Variants in MROH2B observed in about 807,000 individuals in gnomAD.
The protein encoded by MROH2B is maestro heat-like repeat-containing protein family member 2B.
MROH2B carries 177 observed loss-of-function variants against 208.6 expected under a neutral mutation model. That is an observed-to-expected ratio of 0.85 (90% CI 0.75 to 0.96). MROH2B has a LOEUF of 0.96. MROH2B is among the 40% of genes least tolerant of loss of function. MROH2B has a pLI of 0.00. For synonymous variants in MROH2B, 728 were observed against 659.0 expected, an observed-to-expected ratio of 1.10 and a Z score of -1.60; for missense variants, 2,002 against 1,878.7, an observed-to-expected ratio of 1.07 and a Z score of -1.21.
At chr5:41,033,626 C>T (rs1426548353) in intron 22 of MROH2B, among the ~76,000 whole-genome samples, 1 of 152,052 alleles carries the variant, frequency 6.6e-6, no homozygotes, top group Non-Finnish European at 1.5e-5. Context: ...TATAGCTCAA[C>T]TTCTAAAGAC....
intron 30 of MROH2B, among the ~76,000 whole-genome samples, chr5:41,010,665 A>G (rs902112908): frequency 6.6e-6 from 1 of 152,210 alleles, no homozygotes; most frequent in African/African-American, 2.4e-5. Context: ...GGGCAGTGCA[A>G]CCACTCTGTA....
rs145014395 is a variant in MROH2B at position 41,059,317 on chromosome 5, G to A, written c.616-1114C>T. 3.4e-4 allele frequency among the ~76,000 whole-genome samples: 51 copies of A among 152,234 alleles called. 1 individual carries two copies. The East Asian group carries it at 8.7e-3, about 26-fold the overall frequency. ...TTATAAAAATGTAGAAATCACAAAT[G>A]TTATGTTGAAGAAAACATAATACAC... On this transcript the variant is annotated intron_variant, in intron 6 of 41. Coordinates refer to ENST00000399564, the MANE Select transcript of MROH2B (RefSeq NM_173489.5).
At chr5:41,059,047 CAAA>C (rs1171278919) in intron 6 of MROH2B, among the ~76,000 whole-genome samples, 3 of 73,204 alleles carry the variant, frequency 4.1e-5, no homozygotes. Flanking sequence ...GACTCCATCT[CAAA>C]AAAAAAAAAA....
intron 9 of MROH2B, 181 bp downstream of exon 9, chr5:41,056,928 C>A: frequency 1.5e-6 from 1 of 662,210 alleles, no homozygotes; most frequent in South Asian, 1.9e-5. Context: ...TCTTCCCGTC[C>A]TGCTCCTCCT....
At chr5:41,032,943 T>C (rs142757805) in intron 23 of MROH2B, 98 bp downstream of exon 23, 523 of 1,562,406 alleles carry the variant, frequency 3.3e-4, no homozygotes, top group Non-Finnish European at 4.3e-4. Context: ...ATCTGTTATG[T>C]GGGACTGGTG....
At position 41,017,835 on chromosome 5, in the gene MROH2B, C is replaced by T. The variant is rs971747308; in HGVS notation, c.2884+15G>A. On this transcript the variant is annotated intron_variant, in intron 28 of 41. Transcript: ENST00000399564. The stretch of plus-strand genomic sequence containing the variant: ...TTTCTTTTCTTCATTTGTGGGTTCC[C>T]CATCTTTCCCTCACCTTTTATATAG... 4 of 1,570,976 alleles carry T rather than the reference C, an allele frequency of 2.5e-6. No individual in the cohort carries two copies. Among genetic ancestry groups the T allele is most frequent in the African/African-American group, 2.7e-5 (2 of 73,270 alleles).
intron 39 of MROH2B, 139 bp downstream of exon 39, chr5:41,000,081 G>A: frequency 8.7e-7 from 1 of 1,145,188 alleles, no homozygotes. Flanking sequence ...TATATCCTGT[G>A]AAATCAGGAT....
intron 24 of MROH2B, among the ~76,000 whole-genome samples, chr5:41,030,504 T>A (rs1378868919): frequency 2.6e-5 from 4 of 151,972 alleles, no homozygotes; most frequent in Admixed American, 2.0e-4. Flanking sequence ...CATCTCAAAT[T>A]CAAGGAAGGG....
intron 9 of MROH2B, 70 bp downstream of exon 9, chr5:41,057,039 T>G: frequency 1.4e-6 from 2 of 1,476,032 alleles, no homozygotes; most frequent in Non-Finnish European, 1.9e-6. Flanking sequence ...CAGTTTGCCC[T>G]CCTTTTACCA....
rs758543587 is a variant in MROH2B at position 41,033,156 on chromosome 5, A to C, written c.2246T>G (p.Met749Arg). ...TCTTGTGAAACTCATTTGCAGATCC[A>C]TGTCCTAAAGCAAAAGCATTTACAA... The part of the protein sequence containing the change: ...VLGMSVMNKD[M>R]DLQMSFTRSI... The change falls in exon 23 of 42, where the codon ATG becomes AGG. Residue 749 changes from methionine to arginine, a missense_variant. Met to Arg is a moderately conservative substitution (Grantham distance 91, BLOSUM62 -1). Transcript: ENST00000399564. 2 of 1,612,608 alleles carry C rather than the reference A, an allele frequency of 1.2e-6. No individual in the cohort carries two copies. The highest frequency in any genetic ancestry group is 3.3e-5 in the Admixed American group (2 of 59,814).
At chr5:41,061,753 G>A in intron 5 of MROH2B, 29 bp from the exon 6 acceptor site, 1 of 1,601,294 alleles carries the variant, frequency 6.2e-7, no homozygotes, top group South Asian at 1.1e-5. Context: ...ACCACAGACT[G>A]AGAAAAATAT....
intron 29 of MROH2B, 135 bp downstream of exon 29, chr5:41,015,246 G>C: frequency 1.4e-6 from 1 of 702,712 alleles, no homozygotes; most frequent in Non-Finnish European, 2.3e-6. Context: ...TGTACTCTAA[G>C]TTAGAAAATG....
Position 41,033,058 on chromosome 5 carries a change from G to T in MROH2B, c.2344C>A (p.Leu782Met), listed in dbSNP as rs760383132. The change falls in exon 23 of 42, where the codon CTG (leucine) becomes ATG (methionine). Residue 782 changes from leucine (L) to methionine (M), a missense_variant. Coordinates refer to ENST00000399564, the MANE Select transcript of MROH2B (RefSeq NM_173489.5). ...QGFQFSYKEMLIGYMLDFIRD... is the reference protein window; with the variant it reads ...QGFQFSYKEMMIGYMLDFIRD... ...ACACTCACCAGCATGTAACCAATCA[G>T]CATCTCCTTGTAGGAAAACTGGAAC... is the stretch of plus-strand genomic sequence containing the variant. 6.2e-7 allele frequency: 1 copy of T among 1,613,000 alleles called. No homozygotes were observed. Among genetic ancestry groups the T allele is most frequent in the East Asian group, 2.2e-5 (1 of 44,870 alleles).
chr5:41,019,996 C>G (rs1410787307), intron 24 of MROH2B, among the ~76,000 whole-genome samples: 1 of 151,974 alleles, frequency 6.6e-6, no homozygotes, highest in African/African-American at 2.4e-5. Flanking sequence ...CTTTTCCTCC[C>G]CCTTGACAAC....
In MROH2B at chr5:41,061,704, C is replaced by G. The variant is rs1235119079; in HGVS notation, c.481G>C (p.Ala161Pro). The G allele has an allele frequency of 2.5e-6, 4 of 1,613,662 alleles. No individual in the cohort carries two copies. In the Admixed American group the frequency reaches 5.0e-5, roughly 20 times the overall value. ...FCIALEKFSK[A>P]IYKYVNHWRD... is the part of the protein sequence containing the mutation. ...CAGTGGTTGACATATTTGTAAATGGCTTTGCTGAATTTCTCAAGGGCTGCA... is the reference window on the plus strand; with the variant it reads ...CAGTGGTTGACATATTTGTAAATGGGTTTGCTGAATTTCTCAAGGGCTGCA... The change falls in exon 6 of 42, where the codon GCC becomes CCC. Residue 161 changes from alanine to proline, a missense_variant. Physicochemically the swap from Ala to Pro is conservative, Grantham distance 27 (BLOSUM62 -1). Coordinates refer to ENST00000399564, the MANE Select transcript of MROH2B (RefSeq NM_173489.5).
chr5:41,071,048 C>T lies in MROH2B; in HGVS notation c.-196G>A. 1 of 578,662 alleles carries T rather than the reference C, an allele frequency of 1.7e-6. No individual in the cohort carries two copies. The highest frequency in any genetic ancestry group is 3.1e-6 in the Non-Finnish European group (1 of 326,386). 35.8% of individuals were successfully genotyped at this position (578,662 alleles called of 1,614,324 possible). On this transcript the variant is annotated 5_prime_UTR_variant, in exon 1 of 42. Transcript: ENST00000399564. ...GATGGGCTTGCTGTTGAAGTTGATA[C>T]TGTATTCTACCACTATGACATTGTC... is the stretch of plus-strand genomic sequence containing the variant.
At chr5:41,035,897 TAA>T (rs1286505700) in intron 21 of MROH2B, among the ~76,000 whole-genome samples, 1 of 152,000 alleles carries the variant, frequency 6.6e-6, no homozygotes, top group Non-Finnish European at 1.5e-5. Flanking sequence ...GGGGGGAATG[TAA>T]ATTAGTTCAG....
At chr5:41,018,819 C>T (rs1251723264) in intron 25 of MROH2B, 33 bp from the exon 26 acceptor site, 2 of 1,613,698 alleles carry the variant, frequency 1.2e-6, no homozygotes, top group Middle Eastern at 1.7e-4. Context: ...GAGTCTCAGG[C>T]TGGGGTGAGA....
Position 40,998,095 on chromosome 5 carries a change from T to G in MROH2B, c.4715A>C (p.Gln1572Pro), listed in dbSNP as rs753153375. 2.5e-6 allele frequency: 4 copies of G among 1,612,414 alleles called. No individual in the cohort carries two copies. Among genetic ancestry groups the G allele is most frequent in the East Asian group, 2.2e-5 (1 of 44,854 alleles). The change falls in exon 42 of 42, where the codon CAA becomes CCA. Residue 1572 changes from glutamine to proline, a missense_variant. Transcript: ENST00000399564. ...SVQRAAEAALQTLLRRCKETS... is the reference protein window; with the variant it reads ...SVQRAAEAALPTLLRRCKETS... ...CTCTTTACACCTTCTCAGGAGGGTT[T>G]GCAAAGCAGCCTCAGCTGCTCTCTG...
Sources: gnomAD v4.1 joint callset for allele counts (sites outside exome capture counted in the v4.1 genomes callset) on GRCh38, gnomAD v4.1.1 for gene constraint, MANE v1.5 for transcripts, NCBI Gene and HGNC (gene_info 2026-07-23, HGNC 2026-07-21) for gene names.